BICC1: variants seen among roughly 807,000 people sequenced by gnomAD.
BICC1 encodes protein bicaudal C homolog 1.
In BICC1, 43 loss-of-function variants were observed where a neutral mutation model predicts 111.0. The ratio of observed to expected loss-of-function variants is 0.39; its 90% CI spans 0.30 to 0.50. The LOEUF is 0.50. Among genes scored for constraint, BICC1 ranks in the 20% least tolerant of loss-of-function variants. BICC1 has a pLI of 0.88. For missense variants in BICC1, 1,091 were observed against 1,203.2 expected, an observed-to-expected ratio of 0.91 and a Z score of 1.38; for synonymous variants, 467 against 434.4, an observed-to-expected ratio of 1.07 and a Z score of -0.93.
intron 1 of BICC1, 70 bp from the exon 2 acceptor site, chr10:58,620,785 C>A: frequency 6.8e-7 from 1 of 1,460,222 alleles, no homozygotes; most frequent in Non-Finnish European, 9.5e-7. Flanking sequence ...ATTCTCATAT[C>A]TGATGCTCGA....
chr10:58,749,671 T>TG (rs539682798), intron 3 of BICC1, among the ~76,000 whole-genome samples: 22 of 152,254 alleles, frequency 1.4e-4, no homozygotes, highest in African/African-American at 5.1e-4. Flanking sequence ...ATGCCCACTG[T>TG]GGATCTACAA....
At chr10:58,732,066 C>T (rs1301421677) in intron 3 of BICC1, among the ~76,000 whole-genome samples, 1 of 152,084 alleles carries the variant, frequency 6.6e-6, no homozygotes, top group Non-Finnish European at 1.5e-5. Context: ...AGAGGCTTAG[C>T]TTTTGGCCTG....
At chr10:58,742,431 A>ATTTTTTTTT (rs554670544) in intron 3 of BICC1, among the ~76,000 whole-genome samples, 2 of 94,168 alleles carry the variant, frequency 2.1e-5, no homozygotes, top group Non-Finnish European at 3.9e-5. Flanking sequence ...GTATGCTTTA[A>ATTTTTTTTT]TTTTTTTTTT....
intron 1 of BICC1, among the ~76,000 whole-genome samples, chr10:58,593,863 C>T (rs367872150): frequency 1.5e-3 from 222 of 152,016 alleles, no homozygotes; most frequent in African/African-American, 5.0e-3. Flanking sequence ...CAAAACTGGA[C>T]GGAGAATGAG....
chr10:58,733,414 TA>T (rs1050858063), intron 3 of BICC1, among the ~76,000 whole-genome samples: 6 of 152,346 alleles, frequency 3.9e-5, no homozygotes, highest in African/African-American at 1.4e-4. Context: ...CCTGTTGCCT[TA>T]CTTGGGTATA....
intron 1 of BICC1, among the ~76,000 whole-genome samples, chr10:58,520,758 G>T (rs1172948029): frequency 6.6e-6 from 1 of 152,104 alleles, no homozygotes; most frequent in East Asian, 1.9e-4. Flanking sequence ...TAGAATACTT[G>T]AAAGTATAAA....
intron 3 of BICC1, among the ~76,000 whole-genome samples, chr10:58,737,388 G>A (rs1297081962): frequency 6.6e-6 from 1 of 152,088 alleles, no homozygotes; most frequent in East Asian, 1.9e-4. Flanking sequence ...TGAGAATGAT[G>A]GTTTCCAGCT....
intron 3 of BICC1, among the ~76,000 whole-genome samples, chr10:58,717,951 C>A (rs756098627): frequency 1.9e-4 from 29 of 151,980 alleles, no homozygotes; most frequent in Middle Eastern, 3.4e-3. Flanking sequence ...AAAACAACAA[C>A]AAAAAAACAA....
Position 58,789,361 on chromosome 10 carries a change from A to G in BICC1, c.700A>G (p.Thr234Ala). ...CCCCTCTATTCAGCATATATCACAA[A>G]CGTACAATATTTCAGTATCATTTAA... ...NSPSIQHISQ[T>A]YNISVSFKQR... Residue 234 changes from threonine to alanine, a missense_variant, in exon 7 of 21, where the codon ACG becomes GCG. Thr to Ala is a moderately conservative substitution (Grantham distance 58). Around this residue, in one of 3 missense-constraint regions of BICC1, gnomAD observed 843 missense variants for 900.8 expected, o/e 0.94. Coordinates refer to ENST00000373886, the MANE Select transcript of BICC1 (RefSeq NM_001080512.3). 1 of 1,613,970 alleles carries G rather than the reference A, an allele frequency of 6.2e-7. No individual in the cohort carries two copies. Among genetic ancestry groups the G allele is most frequent in the Non-Finnish European group, 8.5e-7 (1 of 1,179,926 alleles).
intron 1 of BICC1, among the ~76,000 whole-genome samples, chr10:58,515,242 A>T (rs943155614): frequency 6.6e-6 from 1 of 152,230 alleles, no homozygotes; most frequent in East Asian, 1.9e-4. Context: ...TCTCTTGAAC[A>T]ACCGATATAC....
intron 3 of BICC1, among the ~76,000 whole-genome samples, chr10:58,747,756 T>C (rs2132631051): frequency 6.6e-6 from 1 of 152,310 alleles, no homozygotes; most frequent in South Asian, 2.1e-4. Flanking sequence ...TCTGTCAACT[T>C]AGTTTTTAAA....
chr10:58,513,363 C>T (rs748825695), intron 1 of BICC1, 30 bp downstream of exon 1: 7 of 1,544,198 alleles, frequency 4.5e-6, no homozygotes, highest in Non-Finnish European at 5.3e-6. Flanking sequence ...TCGGACTCTC[C>T]GACTGAGCCT....
intron 1 of BICC1, among the ~76,000 whole-genome samples, chr10:58,597,771 G>GAGCTGTTTCTTGCTGATT (rs1359615677): frequency 6.6e-6 from 1 of 152,038 alleles, no homozygotes. Flanking sequence ...TCTCCTACTT[G>GAGCTGTTTCTTGCTGATT]CACATCCGTT....
chr10:58,647,710 G>A (rs1418324230), intron 2 of BICC1, among the ~76,000 whole-genome samples: 1 of 151,992 alleles, frequency 6.6e-6, no homozygotes, highest in Non-Finnish European at 1.5e-5. Context: ...TCTTTTTGAT[G>A]GGGTTTAAAG....
At chr10:58,636,623 A>G (rs764634348) in intron 2 of BICC1, among the ~76,000 whole-genome samples, 1 of 151,956 alleles carries the variant, frequency 6.6e-6, no homozygotes, top group Non-Finnish European at 1.5e-5. Context: ...TCCTTCCCCA[A>G]TTCATGCCAG....
At position 58,661,176 on chromosome 10, in the gene BICC1, C is replaced by T. The variant is rs189563135; in HGVS notation, c.237+40275C>T. Among the ~76,000 whole-genome samples, 446 of 148,898 alleles carry T rather than the reference C, an allele frequency of 3.0e-3. 2 individuals carry two copies. The highest frequency in any genetic ancestry group is 9.8e-3 in the African/African-American group (396 of 40,464). ...GGGGGAAGATTCTTATTTTCAAATT[C>T]GTAATTTTTTAAAGGGCTCGCATAT... is the stretch of plus-strand genomic sequence containing the variant. On this transcript the variant is annotated intron_variant, in intron 2 of 20. Transcript: ENST00000373886.
chr10:58,706,622 TG>T (rs1451835144), intron 3 of BICC1, among the ~76,000 whole-genome samples: 1 of 152,138 alleles, frequency 6.6e-6, no homozygotes, highest in East Asian at 1.9e-4. Flanking sequence ...GATTGGATCA[TG>T]GGGGTGGTTT....
intron 1 of BICC1, among the ~76,000 whole-genome samples, chr10:58,546,836 CA>C (rs908945843): frequency 3.7e-4 from 57 of 152,044 alleles, no homozygotes; most frequent in African/African-American, 1.4e-3. Flanking sequence ...TGTACTTTTT[CA>C]AAAAAATTTA....
At chr10:58,630,039 CCA>C (rs762449150) in intron 2 of BICC1, among the ~76,000 whole-genome samples, 31 of 152,310 alleles carry the variant, frequency 2.0e-4, no homozygotes, top group Non-Finnish European at 4.0e-4. Context: ...GCTCTTCCAG[CCA>C]CAGCTGCTTG....
Sources: gnomAD v4.1 joint callset for allele counts (sites outside exome capture counted in the v4.1 genomes callset) on GRCh38, gnomAD v4.1.1 for gene constraint, gnomAD v4.1.1 regional missense constraint, MANE v1.5 for transcripts, NCBI Gene and HGNC (gene_info 2026-07-23, HGNC 2026-07-21) for gene names.